The following PDCD2L variants were observed in gnomAD, a reference collection of about 807,000 sequenced individuals.
PDCD2L encodes the protein programmed cell death 2 like, also known as uS5 assembly chaperone PDCD2L.
A neutral mutation model predicts 40.4 loss-of-function variants in PDCD2L; 44 were observed. The ratio of observed to expected loss-of-function variants is 1.09; its 90% CI spans 0.86 to 1.40. The LOEUF is 1.40. Ranked by LOEUF, PDCD2L falls within the 40% of genes most tolerant of loss-of-function variation. PDCD2L has a pLI of 0.00. For synonymous variants in PDCD2L, 194 were observed against 174.6 expected (o/e 1.11, Z -0.88); for missense variants, 470 against 453.7 (o/e 1.04, Z -0.33).
intron 6 of PDCD2L, among the ~76,000 whole-genome samples, chr19:34,422,590 C>T (rs1009587304): frequency 2.6e-5 from 4 of 151,334 alleles, no homozygotes; most frequent in East Asian, 1.9e-4. Flanking sequence ...GATGGCTAGA[C>T]GAAAATAATT....
rs2075067172 is a variant in PDCD2L at position 34,404,985 on chromosome 19, G to C, written c.331G>C (p.Ala111Pro). 2 of 1,613,996 alleles carry C rather than the reference G, an allele frequency of 1.2e-6. No homozygotes were observed. Among genetic ancestry groups the C allele is most frequent in the South Asian group, 1.1e-5 (1 of 91,092 alleles). Reference protein sequence around the residue: ...LQVPEREAQDAQKQGNSLAAE... With the variant: ...LQVPEREAQDPQKQGNSLAAE... ...GGTGCCAGAGAGAGAGGCGCAGGAC[G>C]CTCAGGTAAAGGTTGTGATTGGCAT... Residue 111 changes from alanine (A) to proline (P), a missense_variant, in exon 3 of 7, where the codon GCT becomes CCT. Ala to Pro is a conservative substitution (Grantham distance 27). Transcript: ENST00000246535.
intron 5 of PDCD2L, among the ~76,000 whole-genome samples, chr19:34,418,427 T>C (rs2075135347): frequency 6.6e-6 from 1 of 152,282 alleles, no homozygotes; most frequent in Non-Finnish European, 1.5e-5. Context: ...TCACTTAGAA[T>C]ACTTCAAGAT....
chr19:34,421,659 C>CAT lies in PDCD2L; in HGVS notation c.938_939insAT (p.Asn314LeufsTer3). On this transcript the variant is annotated frameshift_variant, in exon 6 of 7. Coordinates refer to ENST00000246535, the MANE Select transcript of PDCD2L (RefSeq NM_032346.2). LOFTEE classifies it high-confidence loss of function. ...GCACTGGTCAGCATGCTCAAGAGTG[C>CAT]TAATTTAGGTGAGAAGCCCTTTATT... 6.2e-7 allele frequency: 1 copy of CAT among 1,609,228 alleles called. No individual in the cohort carries two copies. Among genetic ancestry groups the CAT allele is most frequent in the Non-Finnish European group, 8.5e-7 (1 of 1,177,600 alleles).
chr19:34,422,292 T>A (rs1241948960), intron 6 of PDCD2L: 3 of 150,512 alleles, frequency 2.0e-5, no homozygotes, highest in Non-Finnish European at 4.4e-5. Flanking sequence ...GGATTACAGG[T>A]GCCCGCCACC....
At chr19:34,412,892 C>T (rs2075110432) in intron 4 of PDCD2L, among the ~76,000 whole-genome samples, 1 of 151,954 alleles carries the variant, frequency 6.6e-6, no homozygotes, top group Non-Finnish European at 1.5e-5. Context: ...GTGCATGCCA[C>T]CATGCCCAGC....
At chr19:34,417,392 A>G (rs1178975362) in intron 5 of PDCD2L, among the ~76,000 whole-genome samples, 1 of 151,988 alleles carries the variant, frequency 6.6e-6, no homozygotes, top group Non-Finnish European at 1.5e-5. Flanking sequence ...GGCAGATCAC[A>G]AAGTCAGGAG....
At chr19:34,406,456 G>C (rs946074907) in intron 3 of PDCD2L, among the ~76,000 whole-genome samples, 5 of 150,392 alleles carry the variant, frequency 3.3e-5, no homozygotes, top group Non-Finnish European at 5.9e-5. Flanking sequence ...CGCCGTCTCT[G>C]CTCACTGCAA....
intron 4 of PDCD2L, among the ~76,000 whole-genome samples, chr19:34,412,369 G>T (rs2075107807): frequency 6.6e-6 from 1 of 152,212 alleles, no homozygotes; most frequent in East Asian, 1.9e-4. Context: ...CTTGGGAGAA[G>T]GGTTGGGCAG....
At chr19:34,421,829 C>T (rs1011769322) in intron 6 of PDCD2L, among the ~76,000 whole-genome samples, 162 bp downstream of exon 6, 2 of 151,900 alleles carry the variant, frequency 1.3e-5, no homozygotes, top group Admixed American at 6.5e-5. Context: ...GTGGCTCATG[C>T]CTGTAATCCC....
At position 34,405,209 on chromosome 19, in the gene PDCD2L, C is replaced by T. The variant is rs545104082; in HGVS notation, c.336+219C>T. Among the ~76,000 whole-genome samples the T allele has an allele frequency of 7.0e-5, 10 of 142,968 alleles. No homozygotes were observed. In the South Asian group the frequency reaches 2.2e-3, roughly 31 times the overall value. 93.8% of individuals were successfully genotyped at this position (142,968 alleles called of 152,430 possible). ...TCGCCCAGGCTGGAGTGCAATGGCGCGATCTCGGCTCACCGCAACCTCCGC... is the reference window on the plus strand; with the variant it reads ...TCGCCCAGGCTGGAGTGCAATGGCGTGATCTCGGCTCACCGCAACCTCCGC... On this transcript the variant is annotated intron_variant, in intron 3 of 6. Coordinates refer to ENST00000246535, the MANE Select transcript of PDCD2L (RefSeq NM_032346.2).
chr19:34,406,018 TG>T (rs1373637343), intron 3 of PDCD2L, among the ~76,000 whole-genome samples: 1 of 152,172 alleles, frequency 6.6e-6, no homozygotes, highest in Non-Finnish European at 1.5e-5. Context: ...GCCACGCAAC[TG>T]TAGTGCCAGC....
chr19:34,405,320 A>G lies in PDCD2L; in HGVS notation c.336+330A>G, dbSNP rs182925470. Among the ~76,000 whole-genome samples, 346 of 150,204 alleles carry G rather than the reference A, an allele frequency of 2.3e-3. 1 individual carries two copies. Among genetic ancestry groups the G allele is most frequent in the African/African-American group, 8.2e-3 (337 of 40,892 alleles). Reference sequence around the variant, plus strand: ...TGCCACCACGCCCGGCTAATTTTGTATTTTTAATAGAGACGGGGTTTCGCC... The same window carrying G: ...TGCCACCACGCCCGGCTAATTTTGTGTTTTTAATAGAGACGGGGTTTCGCC... On this transcript the variant is annotated intron_variant, in intron 3 of 6. Coordinates refer to ENST00000246535, the MANE Select transcript of PDCD2L (RefSeq NM_032346.2).
chr19:34,409,143 C>G lies in PDCD2L; in HGVS notation c.337-18C>G. ...CTCCCAAATGTGCTCGGACCTCATT[C>G]ACTGAGTATTTTTCCAGAAACAGGG... On this transcript the variant is annotated intron_variant, in intron 3 of 6. Coordinates refer to ENST00000246535, the MANE Select transcript of PDCD2L (RefSeq NM_032346.2). 1 of 1,601,710 alleles carries G rather than the reference C, an allele frequency of 6.2e-7. No individual in the cohort carries two copies. Among genetic ancestry groups the G allele is most frequent in the Non-Finnish European group, 8.5e-7 (1 of 1,170,524 alleles).
At chr19:34,420,686 G>T (rs1054472927) in intron 5 of PDCD2L, among the ~76,000 whole-genome samples, 1 of 151,796 alleles carries the variant, frequency 6.6e-6, no homozygotes, top group Admixed American at 6.6e-5. Flanking sequence ...CAGCTACTCA[G>T]GAGGCTGAGG....
At chr19:34,420,532 A>G (rs953295319) in intron 5 of PDCD2L, among the ~76,000 whole-genome samples, 7 of 152,026 alleles carry the variant, frequency 4.6e-5, no homozygotes, top group African/African-American at 1.7e-4. Context: ...TCACACCTGT[A>G]ATCACAGCAC....
Position 34,421,578 on chromosome 19 carries a change from T to A in PDCD2L, c.857T>A (p.Leu286His). ...TGCCCTACATCAGAAGTCACCGAGCTCCCAGCCTGCAGCCAGTGTGGAGGC... is the reference window on the plus strand; with the variant it reads ...TGCCCTACATCAGAAGTCACCGAGCACCCAGCCTGCAGCCAGTGTGGAGGC... ...LTCPTSEVTE[L>H]PACSQCGGQR... is the part of the protein sequence containing the mutation. Residue 286 changes from leucine to histidine, a missense_variant, in exon 6 of 7, where the codon CTC becomes CAC. Transcript: ENST00000246535. 6.2e-7 allele frequency: 1 copy of A among 1,614,086 alleles called. No individual in the cohort carries two copies. The highest frequency in any genetic ancestry group is 8.5e-7 in the Non-Finnish European group (1 of 1,179,998).
intron 4 of PDCD2L, among the ~76,000 whole-genome samples, chr19:34,410,932 G>A (rs556960980): frequency 2.1e-4 from 31 of 150,770 alleles, no homozygotes; most frequent in African/African-American, 4.6e-4. Context: ...CTACAGGTGC[G>A]CGCCACCACA....
chr19:34,405,066 T>G lies in PDCD2L; in HGVS notation c.336+76T>G, dbSNP rs1360250791. On this transcript the variant is annotated intron_variant, in intron 3 of 6. Coordinates refer to ENST00000246535, the MANE Select transcript of PDCD2L (RefSeq NM_032346.2). ...TTCCAGAGAATAGTTTGGGGCAGAC[T>G]TTAAAGCCGTGTTCTTTGAAGTACA... The G allele has an allele frequency of 1.6e-5, 24 of 1,519,020 alleles. No individual in the cohort carries two copies. The Admixed American group carries it at 4.4e-4, about 28-fold the overall frequency. 94.1% of individuals were successfully genotyped at this position (1,519,020 alleles called of 1,614,324 possible).
At chr19:34,419,772 G>GTTTTTTTT (rs1568360914) in intron 5 of PDCD2L, among the ~76,000 whole-genome samples, 2 of 17,262 alleles carry the variant, frequency 1.2e-4, no homozygotes, top group Non-Finnish European at 2.1e-4. Flanking sequence ...TCTTTATGTT[G>GTTTTTTTT]CTTTTTTTTT....
Sources: gnomAD v4.1 joint callset for allele counts (sites outside exome capture counted in the v4.1 genomes callset) on GRCh38, gnomAD v4.1.1 for gene constraint, MANE v1.5 for transcripts, NCBI Gene and HGNC (gene_info 2026-07-23, HGNC 2026-07-21) for gene names.